The following CPNE5 variants were observed in gnomAD, a reference collection of about 807,000 sequenced individuals.
CPNE5 encodes the protein copine-5.
Under a neutral mutation model 81.1 loss-of-function variants are expected in CPNE5, and 42 were observed. The ratio of observed to expected loss-of-function variants is 0.52; its 90% CI spans 0.40 to 0.67. CPNE5 has a LOEUF of 0.67. Ranked by LOEUF, CPNE5 falls within the 30% of genes least tolerant of loss-of-function variation. The pLI, the probability that CPNE5 is intolerant of heterozygous loss-of-function variation, is 0.00. For missense variants in CPNE5, 612 were observed against 815.5 expected (o/e 0.75, Z 3.04); for synonymous variants, 313 against 321.5 (o/e 0.97, Z 0.28).
At chr6:36,770,308 A>G (rs1169660862) in intron 10 of CPNE5, among the ~76,000 whole-genome samples, 3 of 152,178 alleles carry the variant, frequency 2.0e-5, no homozygotes, top group Non-Finnish European at 2.9e-5. Context: ...AAGTTATATA[A>G]TATCTTCTCT....
chr6:36,825,673 A>G (rs556277629), intron 1 of CPNE5, among the ~76,000 whole-genome samples: 2 of 152,340 alleles, frequency 1.3e-5, no homozygotes, highest in African/African-American at 4.8e-5. Context: ...CACCACTTCT[A>G]CATACAGTCA....
chr6:36,759,001 C>T (rs1765758704), intron 12 of CPNE5, among the ~76,000 whole-genome samples: 1 of 152,208 alleles, frequency 6.6e-6, no homozygotes, highest in South Asian at 2.1e-4. Flanking sequence ...AAATGGCAGC[C>T]CCAGTGCTGC....
intron 1 of CPNE5, among the ~76,000 whole-genome samples, chr6:36,830,910 C>T (rs1772934251): frequency 1.3e-5 from 2 of 152,290 alleles, no homozygotes; most frequent in East Asian, 3.9e-4. Flanking sequence ...TCTGTCCACT[C>T]CTCCCCATGC....
intron 18 of CPNE5, among the ~76,000 whole-genome samples, chr6:36,744,741 G>C (rs116357174): frequency 1.9e-3 from 284 of 152,328 alleles, no homozygotes; most frequent in Non-Finnish European, 3.3e-3. Context: ...GGAGTCATTG[G>C]GGTCTGGAGG....
At position 36,741,972 on chromosome 6, in the gene CPNE5, C is replaced by G. The variant is rs879757131; in HGVS notation, c.*296G>C. 1.6e-4 allele frequency: 58 copies of G among 370,318 alleles called. No homozygotes were observed. Among genetic ancestry groups the G allele is most frequent in the Admixed American group, 3.0e-4 (7 of 23,192 alleles). 22.9% of individuals were successfully genotyped at this position (370,318 alleles called of 1,614,324 possible). A position where few individuals can be genotyped will look rare whatever the true frequency, so the allele number is the denominator to read the frequency against. On this transcript the variant is annotated 3_prime_UTR_variant, in exon 21 of 21. Coordinates refer to ENST00000244751, the MANE Select transcript of CPNE5 (RefSeq NM_020939.2). ...GGGGGTGGGCGACAGGGACCCCAAT[C>G]ACCCTTATTGTTTACACCTTCCTGG...
In CPNE5 at chr6:36,751,153, C is replaced by T. The variant is rs554410048; in HGVS notation, c.971+1881G>A. Among the ~76,000 whole-genome samples the T allele has an allele frequency of 5.3e-5, 8 of 152,336 alleles. No individual in the cohort carries two copies. In the South Asian group the frequency reaches 1.7e-3, roughly 32 times the overall value. On this transcript the variant is annotated intron_variant, in intron 14 of 20. Transcript: ENST00000244751. ...TGGAGCCAGCTCCCTCACTCAGGCTCTCCAGAGAGTTTAAAGAGAGGGCTG... is the reference window on the plus strand; with the variant it reads ...TGGAGCCAGCTCCCTCACTCAGGCTTTCCAGAGAGTTTAAAGAGAGGGCTG...
intron 6 of CPNE5, among the ~76,000 whole-genome samples, 177 bp downstream of exon 6, chr6:36,797,988 T>C (rs1298710239): frequency 6.6e-6 from 1 of 152,148 alleles, no homozygotes; most frequent in Non-Finnish European, 1.5e-5. Flanking sequence ...TGGGTTCCCC[T>C]GAAATACCTG....
chr6:36,797,242 T>C lies in CPNE5; in HGVS notation c.404+923A>G, dbSNP rs373086465. Among the ~76,000 whole-genome samples, 3 of 152,354 alleles carry C rather than the reference T, an allele frequency of 2.0e-5. No individual in the cohort carries two copies. In the East Asian group the frequency reaches 5.8e-4, roughly 29 times the overall value. On this transcript the variant is annotated intron_variant, in intron 6 of 20. Transcript: ENST00000244751. ...TATTGATCATGGTGAGGGGACAGCG[T>C]CCAGTGGGAACTTGGCAGAAGATCT...
chr6:36,792,417 G>A, intron 7 of CPNE5: 2 of 1,410,884 alleles, frequency 1.4e-6, no homozygotes, highest in South Asian at 1.2e-5. Context: ...CAGACCAGTG[G>A]TTCTCAAACT....
intron 9 of CPNE5, 139 bp downstream of exon 9, chr6:36,778,715 C>T: frequency 3.1e-6 from 2 of 648,224 alleles, no homozygotes; most frequent in South Asian, 4.1e-5. Flanking sequence ...CCCGGACTTC[C>T]ACCCAGAGCC....
At chr6:36,786,935 T>C (rs545317810) in intron 8 of CPNE5, among the ~76,000 whole-genome samples, 1 of 152,212 alleles carries the variant, frequency 6.6e-6, no homozygotes, top group East Asian at 1.9e-4. Context: ...TATTTTTTTT[T>C]AGCATCAGGA....
chr6:36,827,066 C>T (rs1772562552), intron 1 of CPNE5, among the ~76,000 whole-genome samples: 1 of 152,132 alleles, frequency 6.6e-6, no homozygotes. Context: ...GCAGCACAAG[C>T]AATCTCCACC....
chr6:36,779,013 C>G, intron 8 of CPNE5, 56 bp from the exon 9 acceptor site: 1 of 1,219,032 alleles, frequency 8.2e-7, no homozygotes, highest in Non-Finnish European at 1.2e-6. Context: ...AAGCACAGCT[C>G]CCAGACCCCG....
At chr6:36,777,773 CACACACACA>C in intron 9 of CPNE5, among the ~76,000 whole-genome samples, 1 of 12,738 alleles carries the variant, frequency 7.9e-5, no homozygotes, top group South Asian at 2.0e-3. Flanking sequence ...CCACCACACA[CACACACACA>C]CACACACACA....
At chr6:36,758,870 C>A (rs1368733524) in intron 12 of CPNE5, among the ~76,000 whole-genome samples, 1 of 152,150 alleles carries the variant, frequency 6.6e-6, no homozygotes, top group Non-Finnish European at 1.5e-5. Context: ...GGAGAGAAGA[C>A]CAGAGCACCC....
At chr6:36,832,320 T>C (rs973027448) in intron 1 of CPNE5, among the ~76,000 whole-genome samples, 2 of 152,182 alleles carry the variant, frequency 1.3e-5, no homozygotes, top group African/African-American at 4.8e-5. Flanking sequence ...AGAATCCACA[T>C]TGTTTAGATC....
rs542333417 is a variant in CPNE5 at position 36,779,988 on chromosome 6, C to T, written c.529-1031G>A. Among the ~76,000 whole-genome samples, 571 of 147,724 alleles carry T rather than the reference C, an allele frequency of 3.9e-3. 5 individuals carry two copies. The highest frequency in any genetic ancestry group is 0.013 in the African/African-American group (506 of 39,958). The stretch of plus-strand genomic sequence containing the variant: ...TTCCTATTTTTTTTTTTTTTTGAGA[C>T]GGTGTCTCACTCTGTTGCCAGGCTG... On this transcript the variant is annotated intron_variant, in intron 8 of 20. Coordinates refer to ENST00000244751, the MANE Select transcript of CPNE5 (RefSeq NM_020939.2).
chr6:36,760,951 G>A (rs1331426291), intron 12 of CPNE5, among the ~76,000 whole-genome samples: 1 of 152,222 alleles, frequency 6.6e-6, no homozygotes. Flanking sequence ...TCAGCTGATG[G>A]CCTTCCGATG....
At chr6:36,838,383 C>G (rs1167872828) in intron 1 of CPNE5, among the ~76,000 whole-genome samples, 1 of 152,204 alleles carries the variant, frequency 6.6e-6, no homozygotes, top group Non-Finnish European at 1.5e-5. Flanking sequence ...AGCACATGAT[C>G]CTAGGCCAGC....
Sources: gnomAD v4.1 joint callset for allele counts (sites outside exome capture counted in the v4.1 genomes callset) on GRCh38, gnomAD v4.1.1 for gene constraint, MANE v1.5 for transcripts, NCBI Gene and HGNC (gene_info 2026-07-23, HGNC 2026-07-21) for gene names.